ARHGEF10: variants seen among roughly 807,000 people sequenced by gnomAD.
The protein encoded by ARHGEF10 is Rho guanine nucleotide exchange factor (GEF) 10.
A neutral mutation model predicts 147.4 loss-of-function variants in ARHGEF10; 140 were observed. That is an observed-to-expected ratio of 0.95 (90% CI 0.83 to 1.09). ARHGEF10 has a LOEUF of 1.09. ARHGEF10 is among the 50% of genes least tolerant of loss of function. The pLI is 0.00. For missense variants in ARHGEF10, 2,222 were observed against 1,752.7 expected, an observed-to-expected ratio of 1.27 and a Z score of -4.78; for synonymous variants, 902 against 695.8, an observed-to-expected ratio of 1.30 and a Z score of -4.67.
chr8:1,903,172 T>G (rs982245571), intron 15 of ARHGEF10, 109 bp from the exon 16 acceptor site: 2 of 1,357,492 alleles, frequency 1.5e-6, no homozygotes, highest in African/African-American at 1.4e-5. Context: ...TTCCCCAGGA[T>G]GGCAGATGCC....
chr8:1,888,116 T>A (rs76280282), intron 11 of ARHGEF10, among the ~76,000 whole-genome samples: 7 of 81,872 alleles, frequency 8.5e-5, no homozygotes, highest in African/African-American at 8.0e-4. Context: ...AGGAGACACT[T>A]AGTGGGGTGA....
At chr8:1,888,920 A>ACT (rs1174718736) in intron 11 of ARHGEF10, among the ~76,000 whole-genome samples, 6 of 103,908 alleles carry the variant, frequency 5.8e-5, no homozygotes, top group Non-Finnish European at 1.2e-4. Context: ...GTGAGGAGAC[A>ACT]GTGGGGTGAG....
At chr8:1,864,539 T>G (rs1806422749) in intron 5 of ARHGEF10, 103 bp downstream of exon 5, 1 of 1,253,518 alleles carries the variant, frequency 8.0e-7, no homozygotes, top group Admixed American at 1.7e-5. Flanking sequence ...TCCTCAGCTC[T>G]GCGCGGCGGG....
At chr8:1,949,793 C>T (rs979352406) in intron 27 of ARHGEF10, among the ~76,000 whole-genome samples, 2 of 152,154 alleles carry the variant, frequency 1.3e-5, no homozygotes, top group Non-Finnish European at 2.9e-5. Flanking sequence ...TTGGGAGCCA[C>T]AGCCTTTCTC....
chr8:1,886,320 G>T (rs1389060939), intron 11 of ARHGEF10, among the ~76,000 whole-genome samples: 1 of 152,152 alleles, frequency 6.6e-6, no homozygotes, highest in Non-Finnish European at 1.5e-5. Flanking sequence ...TTCCCACATG[G>T]GCAGCGAGGT....
intron 18 of ARHGEF10, among the ~76,000 whole-genome samples, chr8:1,917,976 T>TGAG (rs1811886510): frequency 6.6e-6 from 1 of 151,268 alleles, no homozygotes; most frequent in African/African-American, 2.4e-5. Context: ...TTAGTAGGGA[T>TGAG]GAGGTTTCAC....
intron 1 of ARHGEF10, among the ~76,000 whole-genome samples, chr8:1,832,868 G>T (rs1395496836): frequency 4.0e-5 from 2 of 50,104 alleles, no homozygotes; most frequent in African/African-American, 9.4e-5. Flanking sequence ...AGAGGCAGAG[G>T]CAGAGACAGA....
chr8:1,857,900 A>ATCTG, intron 2 of ARHGEF10, 60 bp from the exon 3 acceptor site: 1 of 1,220,858 alleles, frequency 8.2e-7, no homozygotes, highest in Non-Finnish European at 1.2e-6. Context: ...CTATCTATCT[A>ATCTG]TCTATCTATC....
At chr8:1,908,532 C>G (rs1000771916) in intron 17 of ARHGEF10, among the ~76,000 whole-genome samples, 3 of 152,032 alleles carry the variant, frequency 2.0e-5, no homozygotes, top group African/African-American at 7.2e-5. Flanking sequence ...GCGCCCGGCC[C>G]ACACTTTGAT....
chr8:1,838,092 G>A (rs538940440), intron 1 of ARHGEF10, among the ~76,000 whole-genome samples: 1 of 152,180 alleles, frequency 6.6e-6, no homozygotes, highest in Non-Finnish European at 1.5e-5. Flanking sequence ...TGTCTGTCCT[G>A]TTCCCCGAGG....
At chr8:1,943,452 C>G (rs1166311028) in intron 26 of ARHGEF10, 1 of 152,210 alleles carries the variant, frequency 6.6e-6, no homozygotes, top group Non-Finnish European at 1.5e-5. Context: ...GAGGCCAAGT[C>G]AGAGGGAGGA....
At chr8:1,824,715 C>G (rs1463984387) in intron 1 of ARHGEF10, among the ~76,000 whole-genome samples, 1 of 79,110 alleles carries the variant, frequency 1.3e-5, no homozygotes, top group Non-Finnish European at 2.5e-5. Flanking sequence ...CAGCTGTCCC[C>G]CCCACACCCC....
At chr8:1,873,584 G>A (rs201127548) in intron 7 of ARHGEF10, among the ~76,000 whole-genome samples, 3 of 121,714 alleles carry the variant, frequency 2.5e-5, no homozygotes, top group Non-Finnish European at 3.4e-5. Flanking sequence ...TAGTGCACCC[G>A]CATTTCCTAG....
chr8:1,922,761 C>G (rs1301344970), intron 18 of ARHGEF10, among the ~76,000 whole-genome samples: 1 of 152,166 alleles, frequency 6.6e-6, no homozygotes, highest in Non-Finnish European at 1.5e-5. Flanking sequence ...CTCTTTGCAA[C>G]TTTTCCATCT....
In ARHGEF10 at chr8:1,905,765, C is replaced by T. The variant is rs779199323; in HGVS notation, c.1967+49C>T. 19 of 1,607,036 alleles carry T rather than the reference C, an allele frequency of 1.2e-5. No individual in the cohort carries two copies. In the East Asian group the frequency reaches 1.6e-4, roughly 13 times the overall value. ...TAGTCCTACCATCATCACATGTTAC[C>T]TTTGCCTAAGGGCACATGCATGACT... On this transcript the variant is annotated intron_variant, in intron 17 of 28. Coordinates refer to ENST00000349830, the MANE Select transcript of ARHGEF10 (RefSeq NM_014629.4).
At chr8:1,828,914 T>C (rs1393544495) in intron 1 of ARHGEF10, among the ~76,000 whole-genome samples, 1 of 151,946 alleles carries the variant, frequency 6.6e-6, no homozygotes, top group African/African-American at 2.4e-5. Flanking sequence ...GAAAGGAAAA[T>C]AAAGCAGTGA....
intron 6 of ARHGEF10, among the ~76,000 whole-genome samples, chr8:1,868,532 G>T (rs1391786538): frequency 6.6e-6 from 1 of 152,222 alleles, no homozygotes; most frequent in Non-Finnish European, 1.5e-5. Context: ...ATACAGCACG[G>T]TTTTGCTTAC....
At position 1,833,105 on chromosome 8, in the gene ARHGEF10, G is replaced by C. The variant is rs532844071; in HGVS notation, c.-48+8992G>C. On this transcript the variant is annotated intron_variant, in intron 1 of 28. Coordinates refer to ENST00000349830, the MANE Select transcript of ARHGEF10 (RefSeq NM_014629.4). The stretch of plus-strand genomic sequence containing the variant: ...AGACAGAGACAGAGGCAGAGAGACA[G>C]AGACAGAGGCAGAGAGAGACAGAGG... Among the ~76,000 whole-genome samples, 4 of 133,476 alleles carry C rather than the reference G, an allele frequency of 3.0e-5. No homozygotes were observed. The South Asian group carries it at 1.1e-3, about 37-fold the overall frequency. 87.6% of individuals were successfully genotyped at this position (133,476 alleles called of 152,430 possible).
chr8:1,882,465 T>A (rs924987225), intron 9 of ARHGEF10, among the ~76,000 whole-genome samples, 170 bp from the exon 10 acceptor site: 1 of 152,196 alleles, frequency 6.6e-6, no homozygotes, highest in South Asian at 2.1e-4. Context: ...GGTCTGTTTT[T>A]TCCTTTTTTC....
Sources: allele counts gnomAD v4.1 joint callset (sites outside exome capture counted in the v4.1 genomes callset), GRCh38; gene constraint gnomAD v4.1.1; transcripts MANE v1.5; gene names NCBI Gene and HGNC (gene_info 2026-07-23, HGNC 2026-07-21).